Variants in ADD3 observed in about 807,000 individuals in gnomAD.
The protein encoded by ADD3 is gamma-adducin.
In ADD3, 25 loss-of-function variants were observed where a neutral mutation model predicts 80.2. The observed-to-expected ratio is 0.31, with a 90% confidence interval of 0.23 to 0.44. ADD3 has a LOEUF of 0.44. Among genes scored for constraint, ADD3 ranks in the 20% least tolerant of loss-of-function variants. The probability of loss-of-function intolerance (pLI) is 1.00; values close to 1 mark genes in which losing one functional copy is unlikely to be tolerated. For synonymous variants in ADD3, 284 were observed against 289.6 expected, an observed-to-expected ratio of 0.98 and a Z score of 0.20; for missense variants, 829 against 847.5, an observed-to-expected ratio of 0.98 and a Z score of 0.27.
chr10:110,047,126 T>C (rs184285457), intron 1 of ADD3, among the ~76,000 whole-genome samples: 1 of 152,346 alleles, frequency 6.6e-6, no homozygotes, highest in African/African-American at 2.4e-5. Flanking sequence ...TATAGATAGC[T>C]AGTTCACAGT....
At chr10:110,057,345 G>A (rs1329577685) in intron 1 of ADD3, among the ~76,000 whole-genome samples, 3 of 152,134 alleles carry the variant, frequency 2.0e-5, no homozygotes, top group Non-Finnish European at 4.4e-5. Flanking sequence ...TGACCAAGAG[G>A]TGTTTTTTCA....
At chr10:110,031,950 A>G (rs527270784) in intron 1 of ADD3, among the ~76,000 whole-genome samples, 3 of 151,982 alleles carry the variant, frequency 2.0e-5, no homozygotes, top group South Asian at 2.1e-4. Context: ...CCTCTTAGCA[A>G]CTTCAAAGAG....
At chr10:110,118,385 A>C (rs1352083391) in intron 5 of ADD3, among the ~76,000 whole-genome samples, 4 of 152,226 alleles carry the variant, frequency 2.6e-5, no homozygotes, top group Admixed American at 1.3e-4. Flanking sequence ...GAACAAAGCT[A>C]TACCTGTTAA....
rs778903210 is a variant in ADD3, at chr10:110,124,317, G to T, written c.1401+43G>T. The T allele has an allele frequency of 8.8e-6, 14 of 1,590,782 alleles. No homozygotes were observed. In the African/African-American group the frequency reaches 1.8e-4, roughly 20 times the overall value. ...GTAGTTTGCCTTTACTAAATATTTTGCCTAGTTACTCAAGAATTGAATGTT... is the reference window on the plus strand; with the variant it reads ...GTAGTTTGCCTTTACTAAATATTTTTCCTAGTTACTCAAGAATTGAATGTT... On this transcript the variant is annotated intron_variant, in intron 10 of 14. Coordinates refer to ENST00000356080, the MANE Select transcript of ADD3 (RefSeq NM_016824.5).
At chr10:110,011,650 TTAAA>T (rs1255514674) in intron 1 of ADD3, among the ~76,000 whole-genome samples, 9 of 152,362 alleles carry the variant, frequency 5.9e-5, no homozygotes, top group South Asian at 2.1e-4. Context: ...TAAAAAAACT[TTAAA>T]TATCTAATCG....
chr10:110,058,218 A>G (rs1858446714), intron 1 of ADD3, among the ~76,000 whole-genome samples: 1 of 151,914 alleles, frequency 6.6e-6, no homozygotes, highest in Admixed American at 6.6e-5. Flanking sequence ...AAATAAAGGC[A>G]GCACTCTGTC....
intron 2 of ADD3, among the ~76,000 whole-genome samples, chr10:110,108,662 T>C (rs2134015347): frequency 6.6e-6 from 1 of 152,300 alleles, no homozygotes; most frequent in East Asian, 1.9e-4. Flanking sequence ...AGTAATTTTT[T>C]ATATTAGTCT....
chr10:110,044,283 A>T (rs1856685122), intron 1 of ADD3, among the ~76,000 whole-genome samples: 1 of 152,178 alleles, frequency 6.6e-6, no homozygotes, highest in Admixed American at 6.5e-5. Context: ...TAGATTGATT[A>T]TATTAGGACA....
intron 12 of ADD3, among the ~76,000 whole-genome samples, chr10:110,127,985 C>T (rs1261156609): frequency 2.0e-5 from 3 of 151,018 alleles, no homozygotes; most frequent in Admixed American, 2.0e-4. Flanking sequence ...AGAAAAGCAT[C>T]ATTCTGTTCC....
intron 11 of ADD3, 45 bp from the exon 12 acceptor site, chr10:110,126,372 A>G (rs764831638): frequency 2.0e-5 from 28 of 1,414,662 alleles, no homozygotes; most frequent in Middle Eastern, 3.5e-4. Context: ...GGTCATCTGC[A>G]TAGTTGCCCT....
chr10:110,058,439 T>C (rs1564906085), intron 1 of ADD3, among the ~76,000 whole-genome samples: 2 of 152,330 alleles, frequency 1.3e-5, no homozygotes, highest in South Asian at 2.1e-4. Flanking sequence ...TACATATTGC[T>C]GATCTTTTCA....
At chr10:110,110,571 C>T (rs763829563) in intron 2 of ADD3, among the ~76,000 whole-genome samples, 3 of 152,190 alleles carry the variant, frequency 2.0e-5, no homozygotes, top group Non-Finnish European at 4.4e-5. Flanking sequence ...GAGTTCACAT[C>T]ATGGAAACTT....
chr10:110,132,913 A>G (rs377056613), intron 14 of ADD3, among the ~76,000 whole-genome samples: 1 of 135,006 alleles, frequency 7.4e-6, no homozygotes, highest in African/African-American at 3.1e-5. Context: ...CGACAGAGTG[A>G]GACTCCGCCT....
chr10:110,026,558 A>T lies in ADD3; in HGVS notation c.-30+18259A>T, dbSNP rs530283581. ...GCCTCCCAAAGTGCTGGGATTACAG[A>T]CGTGAGCCACCACACCCGGCTGATT... On this transcript the variant is annotated intron_variant, in intron 1 of 14. Coordinates refer to ENST00000356080, the MANE Select transcript of ADD3 (RefSeq NM_016824.5). 5.3e-5 allele frequency among the ~76,000 whole-genome samples: 8 copies of T among 152,052 alleles called. No homozygotes were observed. In the East Asian group the frequency reaches 1.5e-3, roughly 29 times the overall value.
chr10:110,076,237 TTGAATAAG>T (rs1436808787), intron 1 of ADD3, among the ~76,000 whole-genome samples: 8 of 152,198 alleles, frequency 5.3e-5, no homozygotes, highest in Non-Finnish European at 1.2e-4. Context: ...TTAAAATCAC[TTGAATAAG>T]TATCAGATGT....
intron 1 of ADD3, among the ~76,000 whole-genome samples, chr10:110,040,908 C>T (rs903239259): frequency 7.9e-5 from 12 of 151,662 alleles, no homozygotes; most frequent in African/African-American, 2.9e-4. Flanking sequence ...AGAACTTGCA[C>T]GCACGCGCTC....
intron 1 of ADD3, among the ~76,000 whole-genome samples, chr10:110,071,963 A>G (rs1844773507): frequency 6.6e-6 from 1 of 152,244 alleles, no homozygotes; most frequent in Non-Finnish European, 1.5e-5. Flanking sequence ...CTTTTCTATA[A>G]TTCTTCCTTT....
chr10:110,028,896 T>TG (rs1854638887), intron 1 of ADD3, among the ~76,000 whole-genome samples: 2 of 151,674 alleles, frequency 1.3e-5, no homozygotes, highest in Admixed American at 1.3e-4. Flanking sequence ...TTTTTTTTTT[T>TG]GAAACGGAGT....
intron 1 of ADD3, among the ~76,000 whole-genome samples, chr10:110,035,219 A>G (rs374586543): frequency 6.6e-6 from 1 of 152,222 alleles, no homozygotes; most frequent in African/African-American, 2.4e-5. Context: ...ATTAGATGGT[A>G]CAAGATCTGT....
Sources: gnomAD v4.1 joint callset for allele counts (sites outside exome capture counted in the v4.1 genomes callset) on GRCh38, gnomAD v4.1.1 for gene constraint, MANE v1.5 for transcripts, NCBI Gene and HGNC (gene_info 2026-07-23, HGNC 2026-07-21) for gene names.